GRAP2: variants seen among roughly 807,000 people sequenced by gnomAD.
The protein encoded by GRAP2 is GRB2 related adaptor protein 2.
GRAP2 carries 31 observed loss-of-function variants against 43.5 expected under a neutral mutation model. The observed-to-expected ratio is 0.71, with a 90% confidence interval of 0.54 to 0.96. The LOEUF (loss-of-function observed/expected upper bound fraction) is 0.96. GRAP2 is among the 40% of genes least tolerant of loss of function. The pLI is 0.00. For missense variants in GRAP2, 371 were observed against 424.4 expected, an observed-to-expected ratio of 0.87 and a Z score of 1.11; for synonymous variants, 156 against 164.8, an observed-to-expected ratio of 0.95 and a Z score of 0.41.
chr22:39,934,965 C>T (rs1171833439), intron 1 of GRAP2, among the ~76,000 whole-genome samples: 1 of 152,194 alleles, frequency 6.6e-6, no homozygotes, highest in African/African-American at 2.4e-5. Flanking sequence ...TCCTATTCTA[C>T]TCAGCCCAGC....
chr22:39,967,592 G>A (rs1243487343), intron 5 of GRAP2, among the ~76,000 whole-genome samples: 1 of 152,206 alleles, frequency 6.6e-6, no homozygotes, highest in South Asian at 2.1e-4. Flanking sequence ...CAAGAATGTT[G>A]CTGTTTGGGT....
At chr22:39,908,850 T>C (rs2066539996) in intron 1 of GRAP2, among the ~76,000 whole-genome samples, 1 of 152,228 alleles carries the variant, frequency 6.6e-6, no homozygotes, top group Non-Finnish European at 1.5e-5. Flanking sequence ...TTGCAGACAG[T>C]ATCATCTGCT....
chr22:39,960,283 G>A (rs2067104748), intron 4 of GRAP2, 109 bp downstream of exon 4: 4 of 1,079,972 alleles, frequency 3.7e-6, no homozygotes, highest in Non-Finnish European at 4.1e-6. Flanking sequence ...CAGAAGCATG[G>A]TGGCCTAGGG....
At chr22:39,899,758 G>A (rs1427543512), upstream of GRAP2, among the ~76,000 whole-genome samples, 9 of 151,934 alleles carry the variant, frequency 5.9e-5, no homozygotes, top group Admixed American at 3.9e-4. Flanking sequence ...TGAGGCGGGC[G>A]GATCATCTGA....
At chr22:39,957,177 T>C (rs2145657410) in intron 3 of GRAP2, among the ~76,000 whole-genome samples, 1 of 152,332 alleles carries the variant, frequency 6.6e-6, no homozygotes, top group East Asian at 1.9e-4. Flanking sequence ...CACAGTAGTA[T>C]TGGTGACTCC....
chr22:39,926,257 C>T (rs763826301), intron 1 of GRAP2, among the ~76,000 whole-genome samples: 1 of 152,020 alleles, frequency 6.6e-6, no homozygotes, highest in Non-Finnish European at 1.5e-5. Flanking sequence ...ATTGAATTGG[C>T]GCTGTGTAGT....
intron 6 of GRAP2, 181 bp downstream of exon 6, chr22:39,968,453 A>C: frequency 1.8e-6 from 1 of 567,662 alleles, no homozygotes; most frequent in South Asian, 2.1e-5. Context: ...AATGGCTCCC[A>C]CCTGAACACA....
At position 39,968,479 on chromosome 22, in the gene GRAP2, ACT is replaced by A. The variant is rs1555961442; in HGVS notation, c.690+208_690+209del. 13 of 518,778 alleles carry A rather than the reference ACT, an allele frequency of 2.5e-5. No homozygotes were observed. The Admixed American group carries it at 3.7e-4, about 15-fold the overall frequency. The allele number at this position is 518,778 out of a possible 1,614,324, so 32.1% of individuals were successfully genotyped here. The stretch of plus-strand genomic sequence containing the variant: ...CCTGAACACACACACACACACACAC[ACT>A]GTCTCACACACACACACACACTTAA... On this transcript the variant is annotated intron_variant, in intron 6 of 7. Coordinates refer to ENST00000344138, the MANE Select transcript of GRAP2 (RefSeq NM_004810.4).
chr22:39,896,732 A>T (rs532808443), upstream of GRAP2, among the ~76,000 whole-genome samples: 1 of 152,306 alleles, frequency 6.6e-6, no homozygotes, highest in South Asian at 2.1e-4. Flanking sequence ...TAGTGGAATT[A>T]ACCCTGTTCA....
At chr22:39,924,952 A>T (rs886818811) in intron 1 of GRAP2, among the ~76,000 whole-genome samples, 6 of 152,194 alleles carry the variant, frequency 3.9e-5, no homozygotes, top group Admixed American at 3.9e-4. Context: ...ATCCTAAAGG[A>T]GATGGACTTG....
the GRAP2 span, among the ~76,000 whole-genome samples, chr22:39,895,016 A>G: frequency 6.6e-6 from 1 of 152,218 alleles, no homozygotes; most frequent in Non-Finnish European, 1.5e-5. Flanking sequence ...ATGAAAGCTG[A>G]GCCAGCCTAT....
chr22:39,916,665 C>T (rs1482885448), intron 1 of GRAP2, among the ~76,000 whole-genome samples: 2 of 152,324 alleles, frequency 1.3e-5, no homozygotes, highest in Middle Eastern at 3.4e-3. Context: ...CATGAAATCA[C>T]GAGTTCTTAG....
intron 1 of GRAP2, among the ~76,000 whole-genome samples, chr22:39,914,233 G>A (rs1219848474): frequency 1.3e-5 from 2 of 152,152 alleles, no homozygotes; most frequent in Non-Finnish European, 2.9e-5. Flanking sequence ...GTTTTTATTA[G>A]TCTCTCTCCT....
intron 1 of GRAP2, among the ~76,000 whole-genome samples, chr22:39,902,563 G>A (rs114926736): frequency 1.9e-3 from 289 of 152,120 alleles, no homozygotes; most frequent in African/African-American, 6.6e-3. Context: ...GAATAAAACT[G>A]CTTTTTTAGA....
chr22:39,965,160 C>T (rs1474536287), intron 4 of GRAP2, among the ~76,000 whole-genome samples: 1 of 152,208 alleles, frequency 6.6e-6, no homozygotes, highest in African/African-American at 2.4e-5. Context: ...GAGGCCAAGG[C>T]AGGTGGATCA....
intron 1 of GRAP2, among the ~76,000 whole-genome samples, chr22:39,910,125 T>C (rs2066549278): frequency 6.6e-6 from 1 of 152,216 alleles, no homozygotes; most frequent in South Asian, 2.1e-4. Context: ...GCTGCCATTA[T>C]TTTAAGCACC....
intron 1 of GRAP2, among the ~76,000 whole-genome samples, chr22:39,943,291 G>A (rs1289906446): frequency 1.3e-5 from 2 of 152,144 alleles, no homozygotes; most frequent in African/African-American, 4.8e-5. Context: ...AGCATTCCTG[G>A]TATATAGCCT....
chr22:39,965,201 C>T (rs1299208991), intron 4 of GRAP2, among the ~76,000 whole-genome samples: 1 of 152,212 alleles, frequency 6.6e-6, no homozygotes, highest in Non-Finnish European at 1.5e-5. Context: ...ACCAGCCTGA[C>T]CAACATGGCG....
intron 1 of GRAP2, among the ~76,000 whole-genome samples, chr22:39,942,325 C>A (rs2066879697): frequency 6.6e-6 from 1 of 152,110 alleles, no homozygotes; most frequent in Non-Finnish European, 1.5e-5. Flanking sequence ...ACCTGTCGAA[C>A]AACAAGGCTG....
Sources: gnomAD v4.1 joint callset for allele counts (sites outside exome capture counted in the v4.1 genomes callset) on GRCh38, gnomAD v4.1.1 for gene constraint, MANE v1.5 for transcripts, NCBI Gene and HGNC (gene_info 2026-07-23, HGNC 2026-07-21) for gene names.